Variants in CHLSN observed in about 807,000 individuals in gnomAD.
CHLSN encodes the protein protein cholesin.
chr7:1,048,330 G>A, the CHLSN span, among the ~76,000 whole-genome samples: 4 of 152,162 alleles, frequency 2.6e-5, no homozygotes, highest in Non-Finnish European at 4.4e-5. Context: ...CATCAAAAGC[G>A]ATGGCTTTTG....
the CHLSN span, among the ~76,000 whole-genome samples, chr7:1,020,291 C>T: frequency 6.6e-6 from 1 of 152,198 alleles, no homozygotes; most frequent in African/African-American, 2.4e-5. Context: ...GCACCCCTTG[C>T]TCCCATCACA....
At chr7:1,054,552 G>A in the CHLSN span, among the ~76,000 whole-genome samples, 125 of 152,324 alleles carry the variant, frequency 8.2e-4, no homozygotes, top group African/African-American at 2.8e-3. Context: ...CCCACTCCAC[G>A]TGACCGCCTC....
At chr7:1,008,410 G>A in the CHLSN span, among the ~76,000 whole-genome samples, 2 of 152,196 alleles carry the variant, frequency 1.3e-5, no homozygotes, top group African/African-American at 2.4e-5. Flanking sequence ...GGTCCCCTGG[G>A]CCAAGCGCGT....
At chr7:990,493 C>T in the CHLSN span, among the ~76,000 whole-genome samples, 1 of 151,994 alleles carries the variant, frequency 6.6e-6, no homozygotes, top group East Asian at 1.9e-4. Flanking sequence ...GAGGATAAGC[C>T]GTGGCACATT....
At chr7:1,000,617 G>A in the CHLSN span, 5 of 1,337,914 alleles carry the variant, frequency 3.7e-6, no homozygotes, top group Non-Finnish European at 4.2e-6. Context: ...TGTCTGCCCT[G>A]AGAGATCGGG....
the CHLSN span, among the ~76,000 whole-genome samples, chr7:1,066,527 G>A: frequency 1.3e-5 from 2 of 152,238 alleles, no homozygotes; most frequent in East Asian, 1.9e-4. Flanking sequence ...AAGTTGGGAA[G>A]TCCAGGACCA....
chr7:1,012,256 G>A, the CHLSN span, among the ~76,000 whole-genome samples: 2 of 152,242 alleles, frequency 1.3e-5, no homozygotes, highest in African/African-American at 4.8e-5. Context: ...GGGGCACCCG[G>A]ACAGGCCCTG....
chr7:1,096,916 G>C, the CHLSN span, among the ~76,000 whole-genome samples: 1 of 152,260 alleles, frequency 6.6e-6, no homozygotes, highest in Admixed American at 6.5e-5. The surrounding 1 kb of genome is among the most constrained non-coding windows in gnomAD (Gnocchi z 4.6). Context: ...ACCTTCTTAG[G>C]AGGGTGTTTC....
At chr7:1,066,029 C>G in the CHLSN span, among the ~76,000 whole-genome samples, 3 of 152,224 alleles carry the variant, frequency 2.0e-5, no homozygotes, top group Non-Finnish European at 2.9e-5. Flanking sequence ...CAGAGGGAGC[C>G]CTGCGCGGCC....
chr7:1,102,334 G>A, the CHLSN span, among the ~76,000 whole-genome samples: 222 of 152,312 alleles, frequency 1.5e-3, no homozygotes, highest in African/African-American at 5.0e-3. Context: ...CACTAAAGCT[G>A]CGGGCAGCTC....
At chr7:1,108,617 G>A in the CHLSN span, among the ~76,000 whole-genome samples, 6 of 152,294 alleles carry the variant, frequency 3.9e-5, no homozygotes, top group East Asian at 1.9e-4. Context: ...ATGTGTCTCC[G>A]CCAGCTAAAA....
At chr7:1,098,560 G>A in the CHLSN span, among the ~76,000 whole-genome samples, 3 of 152,152 alleles carry the variant, frequency 2.0e-5, no homozygotes, top group Middle Eastern at 3.2e-3. Flanking sequence ...GCCACGCTCG[G>A]TGAGATAAAG....
the CHLSN span, among the ~76,000 whole-genome samples, chr7:1,095,688 A>G: frequency 6.6e-6 from 1 of 152,210 alleles, no homozygotes; most frequent in Non-Finnish European, 1.5e-5. Context: ...CGCTGTCCCC[A>G]CCACACCAAG....
At chr7:979,458 A>G in the CHLSN span, among the ~76,000 whole-genome samples, 1 of 152,084 alleles carries the variant, frequency 6.6e-6, no homozygotes, top group Non-Finnish European at 1.5e-5. Context: ...TTTTTAAAAA[A>G]CGCAGTGATT....
chr7:994,614 AT>A, the CHLSN span, among the ~76,000 whole-genome samples: 14 of 151,540 alleles, frequency 9.2e-5, no homozygotes, highest in Non-Finnish European at 1.6e-4. Context: ...CGGATTTTTT[AT>A]TTTTTGTTGG....
At chr7:992,615 C>T in the CHLSN span, among the ~76,000 whole-genome samples, 78 of 152,364 alleles carry the variant, frequency 5.1e-4, no homozygotes, top group African/African-American at 1.6e-3. Context: ...GCTCCTCCCT[C>T]GGAGTGGGCA....
At chr7:1,127,307 G>T in the CHLSN span, 1 of 1,611,934 alleles carries the variant, frequency 6.2e-7, no homozygotes, top group South Asian at 1.1e-5. Context: ...CCCAGCAGTG[G>T]CCCCTCTGCT....
At chr7:1,000,679 T>C in the CHLSN span, 1 of 712,420 alleles carries the variant, frequency 1.4e-6, no homozygotes, top group Non-Finnish European at 2.3e-6. Context: ...CACCAAGGCC[T>C]CATGTGAAGA....
At chr7:991,312 C>T in the CHLSN span, among the ~76,000 whole-genome samples, 5 of 152,156 alleles carry the variant, frequency 3.3e-5, no homozygotes, top group African/African-American at 4.8e-5. Flanking sequence ...TCTCACCCAG[C>T]GAGATGACAG....
Sources: allele counts gnomAD v4.1 joint callset (sites outside exome capture counted in the v4.1 genomes callset), GRCh38; gene constraint gnomAD v4.1.1; non-coding constraint Gnocchi (gnomAD v3.1); transcripts MANE v1.5; gene names NCBI Gene and HGNC (gene_info 2026-07-23, HGNC 2026-07-21).